SORCS3: variants seen among roughly 807,000 people sequenced by gnomAD.
SORCS3 encodes sortilin related VPS10 domain containing receptor 3.
SORCS3 carries 57 observed loss-of-function variants against 146.3 expected under a neutral mutation model. That is an observed-to-expected ratio of 0.39 (90% CI 0.31 to 0.49). The LOEUF (loss-of-function observed/expected upper bound fraction) is 0.49. SORCS3 is among the 20% of genes least tolerant of loss of function. SORCS3 has a pLI of 0.92. For missense variants in SORCS3, 1,341 were observed against 1,575.5 expected, an observed-to-expected ratio of 0.85 and a Z score of 2.52; for synonymous variants, 653 against 618.5, an observed-to-expected ratio of 1.06 and a Z score of -0.83.
intron 4 of SORCS3, among the ~76,000 whole-genome samples, chr10:105,011,633 G>C (rs2055136746): frequency 6.6e-6 from 1 of 152,154 alleles, no homozygotes; most frequent in South Asian, 2.1e-4. Context: ...GAGGTAGTGT[G>C]TCTCCACATT....
chr10:104,974,677 A>T (rs2054883689), intron 3 of SORCS3, among the ~76,000 whole-genome samples: 1 of 152,140 alleles, frequency 6.6e-6, no homozygotes, highest in South Asian at 2.1e-4. Flanking sequence ...TTTTAATTGG[A>T]GCATTTAGTC....
chr10:104,776,969 G>A (rs543600149), intron 1 of SORCS3, among the ~76,000 whole-genome samples: 10 of 151,506 alleles, frequency 6.6e-5, no homozygotes, highest in Admixed American at 4.6e-4. Context: ...AGGTACATAA[G>A]GGGGAGATAC....
At chr10:104,812,710 G>A (rs1287583751) in intron 1 of SORCS3, among the ~76,000 whole-genome samples, 1 of 152,146 alleles carries the variant, frequency 6.6e-6, no homozygotes, top group East Asian at 1.9e-4. Context: ...CCCTAAGTGT[G>A]GGCTATAAGC....
At chr10:105,133,999 A>G (rs1321121591) in intron 7 of SORCS3, among the ~76,000 whole-genome samples, 2 of 152,124 alleles carry the variant, frequency 1.3e-5, no homozygotes, top group South Asian at 2.1e-4. Context: ...GTCAAAACAG[A>G]TTTTCCGGGA....
At chr10:104,977,283 T>G in intron 3 of SORCS3, 52 bp from the exon 4 acceptor site, 1 of 1,400,546 alleles carries the variant, frequency 7.1e-7, no homozygotes. Context: ...GTTATTATAT[T>G]TATTATTTCC....
chr10:104,956,655 T>A (rs1233203614), intron 3 of SORCS3, among the ~76,000 whole-genome samples: 2 of 152,074 alleles, frequency 1.3e-5, no homozygotes, highest in Non-Finnish European at 2.9e-5. Context: ...GTCAAGGAGT[T>A]AATAGATGAT....
chr10:105,045,490 G>A (rs765333610), intron 5 of SORCS3, among the ~76,000 whole-genome samples: 16 of 152,030 alleles, frequency 1.1e-4, no homozygotes, highest in South Asian at 2.1e-4. Flanking sequence ...TTTAGGTGTC[G>A]TGTGAGTCAT....
chr10:104,959,671 C>G (rs920811349), intron 3 of SORCS3, among the ~76,000 whole-genome samples: 4 of 152,114 alleles, frequency 2.6e-5, no homozygotes, highest in African/African-American at 9.7e-5. Flanking sequence ...GAGACAAGAG[C>G]TGTGGAAGAA....
intron 3 of SORCS3, among the ~76,000 whole-genome samples, chr10:104,943,355 A>G (rs1406985707): frequency 6.6e-6 from 1 of 152,156 alleles, no homozygotes; most frequent in African/African-American, 2.4e-5. Context: ...CGAACTCCTG[A>G]GCTAAGGCAA....
At chr10:105,245,694 T>C in intron 21 of SORCS3, 29 bp downstream of exon 21, 2 of 1,610,320 alleles carry the variant, frequency 1.2e-6, no homozygotes, top group Non-Finnish European at 1.7e-6. Context: ...TCTGTGATGC[T>C]CCTTCCCGCT....
chr10:105,263,327 G>T lies in SORCS3; in HGVS notation c.3622G>T (p.Ala1208Ser). The change falls in exon 27 of 27, where the codon GCA (alanine) becomes TCA (serine). Residue 1208 changes from alanine (A) to serine (S), a missense_variant. Coordinates refer to ENST00000369701, the MANE Select transcript of SORCS3 (RefSeq NM_014978.3). ...TRVIGGIATI[A>S]NSESTKEIPN... Reference sequence around the variant, plus strand: ...CTCTGCAGGAGGCATTGCCACTATTGCAAACAGCGAAAGCACAAAGGAGAT... The same window carrying T: ...CTCTGCAGGAGGCATTGCCACTATTTCAAACAGCGAAAGCACAAAGGAGAT... 6.2e-7 allele frequency: 1 copy of T among 1,614,044 alleles called. No homozygotes were observed. The highest frequency in any genetic ancestry group is 8.5e-7 in the Non-Finnish European group (1 of 1,179,938).
intron 21 of SORCS3, among the ~76,000 whole-genome samples, chr10:105,245,931 A>T (rs1170702073): frequency 6.6e-6 from 1 of 152,208 alleles, no homozygotes; most frequent in African/African-American, 2.4e-5. Flanking sequence ...CGTATCACAA[A>T]TTGAAGGAAA....
chr10:105,247,431 A>T, intron 22 of SORCS3, 100 bp downstream of exon 22: 1 of 606,594 alleles, frequency 1.6e-6, no homozygotes, highest in Non-Finnish European at 2.9e-6. Flanking sequence ...TGCATTCCAC[A>T]GTTAAAGATT....
At chr10:104,771,011 T>C (rs1387105075) in intron 1 of SORCS3, among the ~76,000 whole-genome samples, 8 of 152,202 alleles carry the variant, frequency 5.3e-5, no homozygotes, top group Non-Finnish European at 1.0e-4. Context: ...CTGGTGCATA[T>C]TTTGCACTTG....
rs559633028 is a variant in SORCS3 at position 104,990,115 on chromosome 10, G to C, written c.954+12622G>C. Among the ~76,000 whole-genome samples, 8 of 152,276 alleles carry C rather than the reference G, an allele frequency of 5.3e-5. No individual in the cohort carries two copies. In the South Asian group the frequency reaches 1.7e-3, roughly 32 times the overall value. ...CCTCTGGAGGCTACTCTACCCCTCT[G>C]TGCAGAAAGCTATAGAAGTACCTGG... On this transcript the variant is annotated intron_variant, in intron 4 of 26. Coordinates refer to ENST00000369701, the MANE Select transcript of SORCS3 (RefSeq NM_014978.3).
At chr10:104,644,694 T>G (rs2015470294) in intron 1 of SORCS3, among the ~76,000 whole-genome samples, 1 of 152,212 alleles carries the variant, frequency 6.6e-6, no homozygotes, top group Non-Finnish European at 1.5e-5. Context: ...GAATTTTATC[T>G]TTTATTCTGG....
At chr10:105,184,844 T>C (rs1162398506) in intron 14 of SORCS3, among the ~76,000 whole-genome samples, 1 of 152,226 alleles carries the variant, frequency 6.6e-6, no homozygotes, top group Non-Finnish European at 1.5e-5. Flanking sequence ...TTCTGTCCTC[T>C]TGATGTATTT....
At chr10:105,133,474 C>G (rs1012596902) in intron 7 of SORCS3, among the ~76,000 whole-genome samples, 2 of 152,106 alleles carry the variant, frequency 1.3e-5, no homozygotes, top group Non-Finnish European at 2.9e-5. Flanking sequence ...GGTTAGAAAG[C>G]CCAGGTTTAT....
chr10:104,779,781 G>A (rs1589496260), intron 1 of SORCS3, among the ~76,000 whole-genome samples: 1 of 152,254 alleles, frequency 6.6e-6, no homozygotes, highest in Admixed American at 6.5e-5. Context: ...TATGAGGATG[G>A]CAGGTGAGGG....
Sources: gnomAD v4.1 joint callset for allele counts (sites outside exome capture counted in the v4.1 genomes callset) on GRCh38, gnomAD v4.1.1 for gene constraint, MANE v1.5 for transcripts, NCBI Gene and HGNC (gene_info 2026-07-23, HGNC 2026-07-21) for gene names.